Variants in LEKR1 observed in about 807,000 individuals in gnomAD.
The protein encoded by LEKR1 is leucine, glutamate and lysine rich 1, also known as protein LEKR1.
In LEKR1, 59 loss-of-function variants were observed where a neutral mutation model predicts 72.4. The observed-to-expected ratio is 0.82, with a 90% CI of 0.66 to 1.01. LEKR1 has a LOEUF of 1.01. Ranked by LOEUF, LEKR1 falls within the 50% of genes least tolerant of loss-of-function variation. The probability of loss-of-function intolerance (pLI) is 0.00; values close to 1 mark genes in which losing one functional copy is unlikely to be tolerated. For missense variants in LEKR1, 728 were observed against 759.2 expected (o/e 0.96, Z 0.48); for synonymous variants, 257 against 263.2 (o/e 0.98, Z 0.23).
At chr3:156,896,033 A>G (rs1163305408) in intron 3 of LEKR1, among the ~76,000 whole-genome samples, 2 of 152,234 alleles carry the variant, frequency 1.3e-5, no homozygotes, top group Admixed American at 6.5e-5. Flanking sequence ...CCACCATAAA[A>G]AAGAACAAGA....
chr3:156,833,608 A>C (rs1373085174), intron 2 of LEKR1, among the ~76,000 whole-genome samples: 1 of 152,182 alleles, frequency 6.6e-6, no homozygotes. Flanking sequence ...TTCATACTTG[A>C]CAGTGCTCAC....
At chr3:157,027,575 G>T (rs559187969) in intron 11 of LEKR1, among the ~76,000 whole-genome samples, 2 of 152,200 alleles carry the variant, frequency 1.3e-5, no homozygotes, top group East Asian at 3.9e-4. Context: ...CAGCACTTTG[G>T]GAGGCTGAGG....
At chr3:156,986,803 A>T (rs1381546378) in intron 7 of LEKR1, among the ~76,000 whole-genome samples, 1 of 152,194 alleles carries the variant, frequency 6.6e-6, no homozygotes, top group Non-Finnish European at 1.5e-5. Flanking sequence ...TTTTACTATC[A>T]TCATTGTGTT....
intron 6 of LEKR1, among the ~76,000 whole-genome samples, chr3:156,967,908 T>G (rs148542315): frequency 3.6e-4 from 55 of 152,158 alleles, no homozygotes; most frequent in African/African-American, 1.3e-3. Flanking sequence ...GGAAGCCCAT[T>G]AGACTAACAG....
intron 10 of LEKR1, among the ~76,000 whole-genome samples, chr3:157,011,857 C>A (rs903613145): frequency 2.0e-5 from 3 of 152,058 alleles, no homozygotes; most frequent in Non-Finnish European, 4.4e-5. Context: ...TACAACTTCT[C>A]TTCTTCTCCT....
intron 3 of LEKR1, among the ~76,000 whole-genome samples, chr3:156,890,333 A>G (rs780081201): frequency 6.6e-6 from 1 of 152,186 alleles, no homozygotes; most frequent in Non-Finnish European, 1.5e-5. Flanking sequence ...AATCAACTCA[A>G]TATGTATTGT....
chr3:156,869,357 A>G (rs1050162314), intron 3 of LEKR1, among the ~76,000 whole-genome samples: 1 of 152,032 alleles, frequency 6.6e-6, no homozygotes, highest in Non-Finnish European at 1.5e-5. Context: ...CCTCACCAGC[A>G]TCTGTTATTA....
At chr3:156,967,546 G>T (rs1313198389) in intron 6 of LEKR1, among the ~76,000 whole-genome samples, 3 of 152,164 alleles carry the variant, frequency 2.0e-5, no homozygotes, top group African/African-American at 4.8e-5. Flanking sequence ...TCAAATGAAT[G>T]AAATGAAGCA....
In LEKR1 at chr3:156,893,040, C is replaced by A. The variant is rs2108558305; in HGVS notation, c.264-27535C>A. On this transcript the variant is annotated intron_variant, in intron 3 of 12. Transcript: ENST00000356539. ...GTAAGGTCAGGATATATAGGAAAAT[C>A]TCTGTTCTTGAGGGGCTCTGGAATT... Among the ~76,000 whole-genome samples the A allele has an allele frequency of 2.0e-5, 3 of 152,288 alleles. No homozygotes were observed. In the Middle Eastern group the frequency reaches 0.01, roughly 518 times the overall value.
intron 6 of LEKR1, among the ~76,000 whole-genome samples, chr3:156,960,412 A>G (rs1728013139): frequency 6.6e-6 from 1 of 152,014 alleles, no homozygotes; most frequent in African/African-American, 2.4e-5. Context: ...CAGCCTCTGG[A>G]GTAGCTGGGA....
intron 4 of LEKR1, chr3:156,924,677 A>G (rs938671213): frequency 2.1e-5 from 9 of 434,810 alleles, no homozygotes; most frequent in African/African-American, 1.8e-4. Context: ...GTGGATATTC[A>G]ATTGTTCCAG....
intron 3 of LEKR1, among the ~76,000 whole-genome samples, chr3:156,914,378 T>C (rs148580990): frequency 1.3e-5 from 2 of 152,276 alleles, no homozygotes; most frequent in Non-Finnish European, 2.9e-5. Flanking sequence ...GTATTCTCAT[T>C]ATTCATCTCC....
In LEKR1 at chr3:157,045,870, C is replaced by G; in HGVS notation, c.*120C>G. 6 of 877,816 alleles carry G rather than the reference C, an allele frequency of 6.8e-6. No individual in the cohort carries two copies. Among genetic ancestry groups the G allele is most frequent in the Non-Finnish European group, 1.0e-5 (6 of 586,954 alleles). The allele number at this position is 877,816 out of a possible 1,614,324, so 54.4% of individuals were successfully genotyped here. A position where few individuals can be genotyped will look rare whatever the true frequency, so the allele number is the denominator to read the frequency against. On this transcript the variant is annotated 3_prime_UTR_variant, in exon 13 of 13. Transcript: ENST00000356539. Reference sequence around the variant, plus strand: ...ATTTTCACAGATCAGGAAGGCATACCTATAGATGTATTTAACAAAAGACTG... The same window carrying G: ...ATTTTCACAGATCAGGAAGGCATACGTATAGATGTATTTAACAAAAGACTG...
chr3:156,995,063 G>GTGAAAATAAT (rs1361459233), intron 9 of LEKR1, among the ~76,000 whole-genome samples: 2 of 152,226 alleles, frequency 1.3e-5, no homozygotes, highest in Non-Finnish European at 2.9e-5. Context: ...GTGAAAATAA[G>GTGAAAATAAT]TCCAGTGAAT....
chr3:157,041,187 T>C (rs1735316116), intron 12 of LEKR1, among the ~76,000 whole-genome samples: 1 of 152,174 alleles, frequency 6.6e-6, no homozygotes, highest in Non-Finnish European at 1.5e-5. Context: ...CTATAGATCA[T>C]GCTCGCCACC....
At chr3:156,919,237 C>T (rs1723954600) in intron 3 of LEKR1, among the ~76,000 whole-genome samples, 1 of 152,160 alleles carries the variant, frequency 6.6e-6, no homozygotes, top group African/African-American at 2.4e-5. Context: ...TGCTTTTCCC[C>T]CCAGCAATTA....
At chr3:156,942,443 T>G in intron 5 of LEKR1, 86 bp from the exon 6 acceptor site, 1 of 413,870 alleles carries the variant, frequency 2.4e-6, no homozygotes, top group Non-Finnish European at 3.9e-6. Flanking sequence ...CAACTATTAA[T>G]TTTCTAAAAG....
chr3:156,881,848 A>C lies in LEKR1; in HGVS notation c.263+28866A>C, dbSNP rs1246408244. On this transcript the variant is annotated intron_variant, in intron 3 of 12. Coordinates refer to ENST00000356539, the MANE Select transcript of LEKR1 (RefSeq NM_001004316.3). ...ACAGAGCCCTCAGAAATAACGCCGCATATCTACAACTATCTGATCTTTGAC... is the reference window on the plus strand; with the variant it reads ...ACAGAGCCCTCAGAAATAACGCCGCCTATCTACAACTATCTGATCTTTGAC... Among the ~76,000 whole-genome samples, 4 of 141,154 alleles carry C rather than the reference A, an allele frequency of 2.8e-5. No individual in the cohort carries two copies. In the East Asian group the frequency reaches 8.2e-4, roughly 29 times the overall value. The allele number at this position is 141,154 out of a possible 152,430, so 92.6% of individuals were successfully genotyped here.
rs534803618 is a variant in LEKR1, at chr3:156,836,070, C to T, written c.48+6693C>T. On this transcript the variant is annotated intron_variant, in intron 2 of 12. Coordinates refer to ENST00000356539, the MANE Select transcript of LEKR1 (RefSeq NM_001004316.3). ...TGTATTTTTAGTAGAGAGGGGCTTT[C>T]GTCATGTTCAAGACTGGCCTTGAAC... is the stretch of plus-strand genomic sequence containing the variant. Among the ~76,000 whole-genome samples the T allele has an allele frequency of 3.3e-5, 5 of 151,796 alleles. No homozygotes were observed. In the South Asian group the frequency reaches 6.3e-4, roughly 19 times the overall value.
Sources: gnomAD v4.1 joint callset for allele counts (sites outside exome capture counted in the v4.1 genomes callset) on GRCh38, gnomAD v4.1.1 for gene constraint, MANE v1.5 for transcripts, NCBI Gene and HGNC (gene_info 2026-07-23, HGNC 2026-07-21) for gene names.